Variants in EIF2S1 observed in about 807,000 individuals in gnomAD.
EIF2S1 encodes the protein eukaryotic translation initiation factor 2 subunit 1.
EIF2S1 carries 5 observed loss-of-function variants against 33.5 expected under a neutral mutation model. The ratio of observed to expected loss-of-function variants is 0.15; its 90% CI spans 0.08 to 0.31. EIF2S1 has a LOEUF of 0.31. EIF2S1 is among the 10% of genes least tolerant of loss of function. EIF2S1 has a pLI of 1.00. For missense variants in EIF2S1, 191 were observed against 384.6 expected (o/e 0.50, Z 4.21); for synonymous variants, 99 against 127.5 (o/e 0.78, Z 1.51).
chr14:67,374,220 G>A (rs1007857612), intron 2 of EIF2S1, among the ~76,000 whole-genome samples: 3 of 152,030 alleles, frequency 2.0e-5, no homozygotes, highest in Admixed American at 1.3e-4. Flanking sequence ...TTTCAGATTC[G>A]GGATGCTCTA....
At position 67,385,500 on chromosome 14, in the gene EIF2S1, A is replaced by G. The variant is rs1480481952; in HGVS notation, c.*2060A>G. The stretch of plus-strand genomic sequence containing the variant: ...CCATCAAAGCCTTTTCATTAAAAAT[A>G]CAATTTCATCTACTCCCTACTGTAC... On this transcript the variant is annotated 3_prime_UTR_variant, in exon 8 of 8. Coordinates refer to ENST00000256383, the MANE Select transcript of EIF2S1 (RefSeq NM_004094.5). The G allele has an allele frequency of 6.6e-6, 1 of 151,998 alleles. No individual in the cohort carries two copies. The highest frequency in any genetic ancestry group is 2.4e-5 in the African/African-American group (1 of 41,394). The allele number at this position is 151,998 out of a possible 1,614,324, so 9.4% of individuals were successfully genotyped here.
At chr14:67,381,754 CTTTG>C in intron 6 of EIF2S1, 64 bp downstream of exon 6, 4 of 1,043,970 alleles carry the variant, frequency 3.8e-6, no homozygotes, top group Non-Finnish European at 5.6e-6. Flanking sequence ...GATCTTTGAT[CTTTG>C]TTTCTTTTTT....
At position 67,382,476 on chromosome 14, in the gene EIF2S1, A is replaced by G; in HGVS notation, c.708A>G (p.Val236=). 1 of 1,613,636 alleles carries G rather than the reference A, an allele frequency of 6.2e-7. No individual in the cohort carries two copies. Among genetic ancestry groups the G allele is most frequent in the Non-Finnish European group, 8.5e-7 (1 of 1,179,670 alleles). The change falls in exon 7 of 8, where the codon GTA becomes GTG. Residue 236 remains valine (V), a synonymous_variant. Coordinates refer to ENST00000256383, the MANE Select transcript of EIF2S1 (RefSeq NM_004094.5). ...ATCTAATAGCTCCTCCTCGGTATGT[A>G]ATGACTACGACAACCCTGGAGAGAA... ...KINLIAPPRY[V]MTTTTLERTE... is the part of the protein sequence containing the mutation.
intron 2 of EIF2S1, among the ~76,000 whole-genome samples, chr14:67,367,419 C>A (rs571081264): frequency 1.0e-3 from 158 of 152,212 alleles, no homozygotes; most frequent in African/African-American, 3.6e-3. Context: ...TTGGTAGAGA[C>A]AGGGTTTCAC....
At chr14:67,370,246 G>T (rs2085811586) in intron 2 of EIF2S1, among the ~76,000 whole-genome samples, 1 of 152,184 alleles carries the variant, frequency 6.6e-6, no homozygotes, top group African/African-American at 2.4e-5. Flanking sequence ...GACCATTATG[G>T]ACATGTCGCA....
intron 2 of EIF2S1, among the ~76,000 whole-genome samples, chr14:67,373,930 C>T (rs2085841876): frequency 6.6e-6 from 1 of 151,268 alleles, no homozygotes; most frequent in African/African-American, 2.4e-5. Context: ...GTGAATTTTC[C>T]TATTCTGGAG....
In EIF2S1 at chr14:67,377,620, G is replaced by T. The variant is rs570171722; in HGVS notation, c.473+1030G>T. 1.4e-4 allele frequency among the ~76,000 whole-genome samples: 21 copies of T among 152,226 alleles called. No individual in the cohort carries two copies. In the South Asian group the frequency reaches 4.4e-3, roughly 32 times the overall value. ...TTGTGTCCTAATTGCTCTCAAACTAGTCTTGCCACCTATGCCCAGCTGCTG... is the reference window on the plus strand; with the variant it reads ...TTGTGTCCTAATTGCTCTCAAACTATTCTTGCCACCTATGCCCAGCTGCTG... On this transcript the variant is annotated intron_variant, in intron 4 of 7. Coordinates refer to ENST00000256383, the MANE Select transcript of EIF2S1 (RefSeq NM_004094.5).
chr14:67,373,842 A>AGTGTGTGTGTGTGTGTGTGT (rs35163593), intron 2 of EIF2S1, among the ~76,000 whole-genome samples: 7 of 145,686 alleles, frequency 4.8e-5, no homozygotes, highest in African/African-American at 1.8e-4. Context: ...TAATTTGTTC[A>AGTGTGTGTGTGTGTGTGTGT]GTGTGTGTGT....
intron 4 of EIF2S1, among the ~76,000 whole-genome samples, chr14:67,377,522 T>C (rs2085863635): frequency 6.6e-6 from 1 of 152,206 alleles, no homozygotes; most frequent in Non-Finnish European, 1.5e-5. Flanking sequence ...AAGAACTACT[T>C]TTCCACTGTC....
chr14:67,383,556 C>CTAAG lies in EIF2S1; in HGVS notation c.*119_*122dup. 7.0e-7 allele frequency: 1 copy of CTAAG among 1,426,574 alleles called. No individual in the cohort carries two copies. The highest frequency in any genetic ancestry group is 9.6e-7 in the Non-Finnish European group (1 of 1,046,818). The allele number at this position is 1,426,574 out of a possible 1,614,324, so 88.4% of individuals were successfully genotyped here. ...CTTCAAAGCTGAATATTTTTTATTT[C>CTAAG]TAAGTATTTAAATGTTCTAACAGAT... On this transcript the variant is annotated 3_prime_UTR_variant, in exon 8 of 8. Coordinates refer to ENST00000256383, the MANE Select transcript of EIF2S1 (RefSeq NM_004094.5).
chr14:67,366,104 T>C (rs912482997), intron 2 of EIF2S1, among the ~76,000 whole-genome samples: 1 of 151,380 alleles, frequency 6.6e-6, no homozygotes, highest in Non-Finnish European at 1.5e-5. Flanking sequence ...TTTTTAAGAA[T>C]TGGGGTCTTG....
intron 2 of EIF2S1, 39 bp downstream of exon 2, chr14:67,365,047 T>C (rs773499685): frequency 1.3e-6 from 2 of 1,530,728 alleles, no homozygotes; most frequent in Non-Finnish European, 1.8e-6. Flanking sequence ...ATTTCAGATT[T>C]AAAATGGTTT....
intron 4 of EIF2S1, among the ~76,000 whole-genome samples, chr14:67,378,141 C>T (rs2085867309): frequency 6.7e-6 from 1 of 149,944 alleles, no homozygotes; most frequent in Non-Finnish European, 1.5e-5. Flanking sequence ...AAAAAAAAAG[C>T]CAGACTCTTT....
At chr14:67,379,654 CTTTTTTT>C (rs541791101) in intron 4 of EIF2S1, among the ~76,000 whole-genome samples, 4 of 119,952 alleles carry the variant, frequency 3.3e-5, no homozygotes, top group South Asian at 3.0e-4. Context: ...TTTTCTTTTT[CTTTTTTT>C]TTTTTTTTTT....
At chr14:67,363,919 T>C (rs1474200673) in intron 1 of EIF2S1, 1 of 152,208 alleles carries the variant, frequency 6.6e-6, no homozygotes, top group Non-Finnish European at 1.5e-5. Flanking sequence ...CTTCCTTTTT[T>C]AAATATGCTT....
chr14:67,371,324 G>A (rs2085819592), intron 2 of EIF2S1, among the ~76,000 whole-genome samples: 1 of 152,016 alleles, frequency 6.6e-6, no homozygotes, highest in Non-Finnish European at 1.5e-5. Flanking sequence ...GGAGGCTGAG[G>A]TGGGAGGACG....
At chr14:67,383,244 G>A (rs986873428) in intron 7 of EIF2S1, 71 bp from the exon 8 acceptor site, 1 of 1,518,758 alleles carries the variant, frequency 6.6e-7, no homozygotes, top group Admixed American at 1.9e-5. Context: ...ACATTAGGCA[G>A]TAATAGTATT....
At chr14:67,376,221 G>C (rs112950900) in intron 3 of EIF2S1, among the ~76,000 whole-genome samples, 1 of 152,190 alleles carries the variant, frequency 6.6e-6, no homozygotes, top group African/African-American at 2.4e-5. Flanking sequence ...AACAAGTTCA[G>C]AGATACTGTG....
intron 5 of EIF2S1, 90 bp from the exon 6 acceptor site, chr14:67,381,503 T>C: frequency 1.0e-6 from 1 of 963,884 alleles, no homozygotes; most frequent in Non-Finnish European, 1.6e-6. Context: ...AGTATTTGAA[T>C]ACTAATATAT....
Sources: allele counts gnomAD v4.1 joint callset (sites outside exome capture counted in the v4.1 genomes callset), GRCh38; gene constraint gnomAD v4.1.1; transcripts MANE v1.5; gene names NCBI Gene and HGNC (gene_info 2026-07-23, HGNC 2026-07-21).